The following NR1D2 variants were observed in gnomAD, a reference collection of about 807,000 sequenced individuals.
NR1D2 encodes nuclear receptor subfamily 1 group D member 2, also known as V-erbA-related protein 1-related.
In NR1D2, 25 loss-of-function variants were observed where a neutral mutation model predicts 52.2. The ratio of observed to expected loss-of-function variants is 0.48; its 90% confidence interval spans 0.35 to 0.67. The LOEUF (loss-of-function observed/expected upper bound fraction) is 0.67, where lower values mean the gene tolerates loss of function less well. Ranked by LOEUF, NR1D2 falls within the 30% of genes least tolerant of loss-of-function variation. NR1D2 has a pLI of 0.01. For missense variants in NR1D2, 681 were observed against 707.2 expected, an observed-to-expected ratio of 0.96 and a Z score of 0.42; for synonymous variants, 259 against 230.1, an observed-to-expected ratio of 1.13 and a Z score of -1.14.
intron 7 of NR1D2, among the ~76,000 whole-genome samples, chr3:23,975,570 G>A (rs1310031140): frequency 6.6e-6 from 1 of 152,110 alleles, no homozygotes; most frequent in Non-Finnish European, 1.5e-5. Flanking sequence ...AGGAGTTCAA[G>A]GCCAGCCTGG....
intron 1 of NR1D2, among the ~76,000 whole-genome samples, chr3:23,947,325 CA>C (rs903268360): frequency 2.6e-5 from 4 of 152,234 alleles, no homozygotes; most frequent in African/African-American, 9.6e-5. Flanking sequence ...GAGCAAGGCA[CA>C]TTATAAAAAT....
Position 23,955,261 on chromosome 3 carries a change from A to G in NR1D2, c.283+458A>G, listed in dbSNP as rs1456883493. Among the ~76,000 whole-genome samples the G allele has an allele frequency of 2.0e-5, 3 of 152,294 alleles. No individual in the cohort carries two copies. In the South Asian group the frequency reaches 6.2e-4, roughly 32 times the overall value. The stretch of plus-strand genomic sequence containing the variant: ...TATCTGGCCTCTGTAGGTGAAGTAA[A>G]TTGACACAGCTGCCTGTGGAGAGAT... On this transcript the variant is annotated intron_variant, in intron 2 of 7. Coordinates refer to ENST00000312521, the MANE Select transcript of NR1D2 (RefSeq NM_005126.5).
At chr3:23,946,030 G>C in intron 1 of NR1D2, 1 of 845,276 alleles carries the variant, frequency 1.2e-6, no homozygotes, top group Non-Finnish European at 1.4e-6. Context: ...TGGGGGCGGG[G>C]GCGCGCGCGC....
At chr3:23,945,649 G>C in intron 1 of NR1D2, 55 bp downstream of exon 1, 1 of 1,148,228 alleles carries the variant, frequency 8.7e-7, no homozygotes. Flanking sequence ...CTCAGAGCCC[G>C]CGGGGCACTT....
intron 1 of NR1D2, 56 bp downstream of exon 1, chr3:23,945,650 C>T (rs1705644582): frequency 8.4e-6 from 4 of 477,976 alleles, no homozygotes; most frequent in Non-Finnish European, 1.1e-5. Flanking sequence ...TCAGAGCCCG[C>T]GGGGCACTTT....
rs1325989670 is a variant in NR1D2 at position 23,959,450 on chromosome 3, A to G, written c.373-221A>G. Among the ~76,000 whole-genome samples the G allele has an allele frequency of 2.6e-5, 4 of 152,044 alleles. No individual in the cohort carries two copies. The East Asian group carries it at 5.8e-4, about 22-fold the overall frequency. ...AAGGGAAGAAGAATTTTGTTTGGTTAGTAGGTGTTAGGTGCTTACTCATAC... is the reference window on the plus strand; with the variant it reads ...AAGGGAAGAAGAATTTTGTTTGGTTGGTAGGTGTTAGGTGCTTACTCATAC... On this transcript the variant is annotated intron_variant, in intron 3 of 7. Transcript: ENST00000312521.
chr3:23,972,908 A>G (rs1412096301), intron 7 of NR1D2, among the ~76,000 whole-genome samples: 2 of 152,148 alleles, frequency 1.3e-5, no homozygotes, highest in Non-Finnish European at 2.9e-5. Flanking sequence ...ATTTAATACA[A>G]TCTATGGTTT....
chr3:23,951,730 A>G (rs759498370), intron 1 of NR1D2, among the ~76,000 whole-genome samples: 13 of 152,228 alleles, frequency 8.5e-5, no homozygotes, highest in East Asian at 1.9e-4. Context: ...TGAAACTTCA[A>G]TGTGCAAATA....
At position 23,961,322 on chromosome 3, in the gene NR1D2, A is replaced by G. The variant is rs574492624; in HGVS notation, c.518-655A>G. Among the ~76,000 whole-genome samples the G allele has an allele frequency of 8.1e-5, 12 of 148,840 alleles. No homozygotes were observed. In the East Asian group the frequency reaches 2.4e-3, roughly 30 times the overall value. On this transcript the variant is annotated intron_variant, in intron 4 of 7. Coordinates refer to ENST00000312521, the MANE Select transcript of NR1D2 (RefSeq NM_005126.5). ...CAGCTTTGTTAGTAAGGAGCTGTGT[A>G]GTAATACTGGTCTGCTTCAAACTGG...
chr3:23,964,689 ATAAACTC>A (rs1559335475), intron 5 of NR1D2: 1 of 238,976 alleles, frequency 4.2e-6, no homozygotes, highest in East Asian at 8.6e-5. Context: ...GTGTTACAAA[ATAAACTC>A]TTAAACCTGT....
chr3:23,977,487 G>C lies in NR1D2; in HGVS notation c.*68G>C. 1 of 1,029,026 alleles carries C rather than the reference G, an allele frequency of 9.7e-7. No homozygotes were observed. The highest frequency in any genetic ancestry group is 1.4e-6 in the Non-Finnish European group (1 of 714,026). The allele number at this position is 1,029,026 out of a possible 1,614,324, so 63.7% of individuals were successfully genotyped here. A position where few individuals can be genotyped will look rare whatever the true frequency, so the allele number is the denominator to read the frequency against. On this transcript the variant is annotated 3_prime_UTR_variant, in exon 8 of 8. Transcript: ENST00000312521. ...TTTGTGCTAAAATGCATATTTATAT[G>C]TGTATACCATATGTGGAGATAGAAA...
In NR1D2 at chr3:23,956,068, C is replaced by A. The variant is rs145963481; in HGVS notation, c.315C>A (p.Val105=). The A allele has an allele frequency of 3.7e-5, 59 of 1,613,894 alleles. No individual in the cohort carries two copies. In the African/African-American group the frequency reaches 6.7e-4, roughly 18 times the overall value. ...GTGGCATGGTTCTACTGTGTAAAGT[C>A]TGTGGGGATGTGGCGTCAGGATTCC... ...KFSGMVLLCK[V]CGDVASGFHY... Residue 105 remains valine (V), a synonymous_variant, in exon 3 of 8, where the codon GTC becomes GTA. Coordinates refer to ENST00000312521, the MANE Select transcript of NR1D2 (RefSeq NM_005126.5).
At chr3:23,955,853 A>C (rs939797494) in intron 2 of NR1D2, among the ~76,000 whole-genome samples, 184 bp from the exon 3 acceptor site, 1 of 152,154 alleles carries the variant, frequency 6.6e-6, no homozygotes, top group Non-Finnish European at 1.5e-5. Context: ...CAAAAAAAAA[A>C]CACCGTAAGA....
intron 1 of NR1D2, among the ~76,000 whole-genome samples, chr3:23,950,466 T>TG (rs1705895350): frequency 6.6e-6 from 1 of 152,228 alleles, no homozygotes; most frequent in East Asian, 1.9e-4. Context: ...CTTGGTGACT[T>TG]GTAGTTTCAC....
intron 1 of NR1D2, among the ~76,000 whole-genome samples, chr3:23,953,206 G>A (rs769326513): frequency 7.3e-5 from 11 of 151,486 alleles, no homozygotes; most frequent in Non-Finnish European, 1.5e-4. Context: ...GGCTGGGGGT[G>A]GTGGCATGTG....
intron 1 of NR1D2, among the ~76,000 whole-genome samples, chr3:23,951,133 G>A (rs1024024604): frequency 2.6e-5 from 4 of 152,026 alleles, no homozygotes; most frequent in African/African-American, 7.2e-5. Context: ...TTGGACTCCC[G>A]ACCTCAGGTG....
chr3:23,963,408 G>A, intron 5 of NR1D2: 5 of 1,231,420 alleles, frequency 4.1e-6, no homozygotes, highest in South Asian at 1.4e-5. Flanking sequence ...TTGTCACTTG[G>A]AGTTATTTGA....
intron 2 of NR1D2, among the ~76,000 whole-genome samples, chr3:23,955,489 C>T (rs561999041): frequency 2.9e-4 from 44 of 152,006 alleles, no homozygotes; most frequent in African/African-American, 1.0e-3. Flanking sequence ...AGGAAAAATC[C>T]GGGTCAGCGA....
rs1379403470 is a variant in NR1D2, at chr3:23,979,361, A to G, written c.*1942A>G. ...TTTTTCCTAAGATAAACAAATGCAT[A>G]GTTTTCTTCTATGGGTGATAGAAAC... On this transcript the variant is annotated 3_prime_UTR_variant, in exon 8 of 8. Coordinates refer to ENST00000312521, the MANE Select transcript of NR1D2 (RefSeq NM_005126.5). The G allele has an allele frequency of 6.6e-6, 1 of 152,088 alleles. No homozygotes were observed. The highest frequency in any genetic ancestry group is 1.5e-5 in the Non-Finnish European group (1 of 67,920). 9.4% of individuals were successfully genotyped at this position (152,088 alleles called of 1,614,324 possible).
Sources: gnomAD v4.1 joint callset for allele counts (sites outside exome capture counted in the v4.1 genomes callset) on GRCh38, gnomAD v4.1.1 for gene constraint, MANE v1.5 for transcripts, NCBI Gene and HGNC (gene_info 2026-07-23, HGNC 2026-07-21) for gene names.